Variants in ZMYND8 observed in about 807,000 individuals in gnomAD.
The protein encoded by ZMYND8 is MYND-type zinc finger-containing chromatin reader ZMYND8.
ZMYND8 carries 37 observed loss-of-function variants against 140.8 expected under a neutral mutation model. The ratio of observed to expected loss-of-function variants is 0.26; its 90% confidence interval spans 0.20 to 0.35. The LOEUF is 0.35. Ranked by LOEUF, ZMYND8 falls within the 10% of genes least tolerant of loss-of-function variation. The pLI, the probability that ZMYND8 is intolerant of heterozygous loss-of-function variation, is 1.00. For synonymous variants in ZMYND8, 592 were observed against 597.1 expected (o/e 0.99, Z 0.12); for missense variants, 1,068 against 1,570.0 (o/e 0.68, Z 5.40).
intron 2 of ZMYND8, among the ~76,000 whole-genome samples, chr20:47,324,788 C>T (rs2080273364): frequency 1.3e-5 from 2 of 152,224 alleles, no homozygotes; most frequent in South Asian, 4.1e-4. Flanking sequence ...CATCTTTTGG[C>T]TCACTGCCCT....
At position 47,229,778 on chromosome 20, in the gene ZMYND8, G is replaced by A; in HGVS notation, c.2885C>T (p.Thr962Ile). ...TTTAGAAAGATCGTTGTATATTTCT[G>A]TCATTGTTCCTTTTATTGCATCCAT... Reference protein sequence around the residue: ...KMMDAIKGTMTEIYNDLSKNT... With the variant: ...KMMDAIKGTMIEIYNDLSKNT... The change falls in exon 17 of 23, where the codon ACA (threonine) becomes ATA (isoleucine). Residue 962 changes from threonine to isoleucine, a missense_variant. Thr to Ile is a moderately conservative substitution (Grantham distance 89, BLOSUM62 -1). Around this residue, in one of 10 missense-constraint regions of ZMYND8, gnomAD observed 87 missense variants for 151.1 expected, o/e 0.58. Coordinates refer to ENST00000471951, the MANE Select transcript of ZMYND8 (RefSeq NM_001281775.3). 6.2e-7 allele frequency: 1 copy of A among 1,613,570 alleles called. No individual in the cohort carries two copies. Among genetic ancestry groups the A allele is most frequent in the Non-Finnish European group, 8.5e-7 (1 of 1,179,814 alleles).
At position 47,247,701 on chromosome 20, in the gene ZMYND8, C is replaced by T. The variant is rs553103483; in HGVS notation, c.1775-1184G>A. 4.7e-4 allele frequency among the ~76,000 whole-genome samples: 72 copies of T among 152,266 alleles called. No homozygotes were observed. The East Asian group carries it at 0.01, about 22-fold the overall frequency. ...GGCCACTGTGAATGGTGCCACTGTC[C>T]GACTTGTATACACCAAAAAGAAACC... On this transcript the variant is annotated intron_variant, in intron 13 of 22. Transcript: ENST00000471951.
chr20:47,294,085 T>C (rs1398139395), intron 5 of ZMYND8, among the ~76,000 whole-genome samples: 1 of 152,118 alleles, frequency 6.6e-6, no homozygotes, highest in Non-Finnish European at 1.5e-5. Flanking sequence ...CAGTGGCTCA[T>C]GCCTGTAATC....
At position 47,318,202 on chromosome 20, in the gene ZMYND8, A is replaced by G. The variant is rs142881456; in HGVS notation, c.86-7998T>C. Among the ~76,000 whole-genome samples, 1,095 of 152,284 alleles carry G rather than the reference A, an allele frequency of 7.2e-3. 11 individuals carry two copies. The highest frequency in any genetic ancestry group is 0.025 in the African/African-American group (1,044 of 41,570). On this transcript the variant is annotated intron_variant, in intron 2 of 22. Coordinates refer to ENST00000471951, the MANE Select transcript of ZMYND8 (RefSeq NM_001281775.3). ...CCCAGGACAGGATTTCTGCATTTCA[A>G]TCAGACTGAAAATGCCAGGTTTCCC... is the stretch of plus-strand genomic sequence containing the variant.
chr20:47,240,005 G>C (rs1349422460), intron 14 of ZMYND8, among the ~76,000 whole-genome samples: 1 of 152,164 alleles, frequency 6.6e-6, no homozygotes, highest in African/African-American at 2.4e-5. Flanking sequence ...GGGAGGCTGA[G>C]GCAGGCGGAT....
chr20:47,278,329 T>C (rs2076383173), intron 10 of ZMYND8, among the ~76,000 whole-genome samples: 1 of 151,904 alleles, frequency 6.6e-6, no homozygotes, highest in Non-Finnish European at 1.5e-5. Context: ...TGAAGCCCGG[T>C]AGAAAGCAGT....
At chr20:47,321,066 T>G (rs530833935) in intron 2 of ZMYND8, among the ~76,000 whole-genome samples, 2 of 152,312 alleles carry the variant, frequency 1.3e-5, no homozygotes, top group African/African-American at 4.8e-5. Flanking sequence ...GGAAACCCAG[T>G]AAACGCTGGA....
chr20:47,212,623 A>G lies in ZMYND8; in HGVS notation c.3568+19T>C, dbSNP rs751978146. 9.3e-6 allele frequency: 15 copies of G among 1,613,574 alleles called. No individual in the cohort carries two copies. The South Asian group carries it at 1.6e-4, about 18-fold the overall frequency. On this transcript the variant is annotated intron_variant, in intron 22 of 22. Coordinates refer to ENST00000471951, the MANE Select transcript of ZMYND8 (RefSeq NM_001281775.3). ...AGGAAGAAGCCCCGGCAGCTTTCGTAAGACAGGTTCATACTTACACTTCTG... is the reference window on the plus strand; with the variant it reads ...AGGAAGAAGCCCCGGCAGCTTTCGTGAGACAGGTTCATACTTACACTTCTG...
chr20:47,326,340 G>A (rs2080414619), intron 2 of ZMYND8, among the ~76,000 whole-genome samples: 1 of 152,230 alleles, frequency 6.6e-6, no homozygotes, highest in Non-Finnish European at 1.5e-5. Context: ...GACCTCAGGT[G>A]ATCCACCCGC....
chr20:47,215,467 G>T (rs932002821), intron 21 of ZMYND8, among the ~76,000 whole-genome samples: 1 of 151,888 alleles, frequency 6.6e-6, no homozygotes, highest in African/African-American at 2.4e-5. Context: ...TAGCAGCAGC[G>T]GAGTGTGTAA....
At chr20:47,315,056 C>A (rs1387991563) in intron 2 of ZMYND8, among the ~76,000 whole-genome samples, 1 of 152,026 alleles carries the variant, frequency 6.6e-6, no homozygotes, top group Non-Finnish European at 1.5e-5. Context: ...AACTTCAGGG[C>A]CCCCAGAGGA....
intron 14 of ZMYND8, among the ~76,000 whole-genome samples, chr20:47,239,649 C>T (rs2039698861): frequency 2.0e-5 from 3 of 152,214 alleles, no homozygotes. Context: ...AACACTCAGT[C>T]ACCCAGAAAG....
intron 1 of ZMYND8, chr20:47,351,668 G>A (rs977377732): frequency 9.1e-6 from 9 of 984,248 alleles, no homozygotes; most frequent in Non-Finnish European, 1.1e-5. Context: ...AAATTGGGGT[G>A]GGGGGGAATG....
intron 2 of ZMYND8, among the ~76,000 whole-genome samples, chr20:47,330,570 A>G (rs1212392537): frequency 6.6e-6 from 1 of 152,000 alleles, no homozygotes; most frequent in Non-Finnish European, 1.5e-5. Context: ...GTGTTTTAGA[A>G]GGCGCCCATT....
intron 17 of ZMYND8, among the ~76,000 whole-genome samples, chr20:47,228,390 C>G (rs1242661274): frequency 6.6e-6 from 1 of 152,166 alleles, no homozygotes; most frequent in Non-Finnish European, 1.5e-5. Flanking sequence ...AATGGTGTCT[C>G]TAATTGTGGG....
At chr20:47,267,768 C>T (rs2075639668) in intron 11 of ZMYND8, among the ~76,000 whole-genome samples, 2 of 152,184 alleles carry the variant, frequency 1.3e-5, no homozygotes, top group Admixed American at 6.5e-5. Context: ...CTGGAATGTC[C>T]GGCCACAGTG....
At chr20:47,289,362 T>C (rs917855606) in intron 7 of ZMYND8, among the ~76,000 whole-genome samples, 2 of 152,186 alleles carry the variant, frequency 1.3e-5, no homozygotes, top group Non-Finnish European at 2.9e-5. Context: ...GCTGGTAGAA[T>C]GTAAAATGAT....
chr20:47,312,816 G>A (rs142679726), intron 2 of ZMYND8, among the ~76,000 whole-genome samples: 4 of 151,054 alleles, frequency 2.6e-5, no homozygotes, highest in Admixed American at 6.6e-5. Context: ...AAGAGAGAGA[G>A]GTGCAGCCCG....
intron 4 of ZMYND8, among the ~76,000 whole-genome samples, chr20:47,296,517 A>G (rs1301039746): frequency 6.6e-6 from 1 of 152,184 alleles, no homozygotes; most frequent in African/African-American, 2.4e-5. Context: ...ACTTATGGCC[A>G]TGGAGAACAT....
Sources: allele counts gnomAD v4.1 joint callset (sites outside exome capture counted in the v4.1 genomes callset), GRCh38; gene constraint gnomAD v4.1.1; regional missense constraint gnomAD v4.1.1; transcripts MANE v1.5; gene names NCBI Gene and HGNC (gene_info 2026-07-23, HGNC 2026-07-21).